PIP5K1B: variants seen among roughly 807,000 people sequenced by gnomAD.
PIP5K1B encodes the protein phosphatidylinositol 4-phosphate 5-kinase type-1 beta.
Under a neutral mutation model 67.0 loss-of-function variants are expected in PIP5K1B, and 42 were observed. The ratio of observed to expected loss-of-function variants is 0.63; its 90% CI spans 0.49 to 0.81. PIP5K1B has a LOEUF of 0.81. Among genes scored for constraint, PIP5K1B ranks in the 30% least tolerant of loss-of-function variants. The pLI, the probability that PIP5K1B is intolerant of heterozygous loss-of-function variation, is 0.00. For missense variants in PIP5K1B, 459 were observed against 646.3 expected, an observed-to-expected ratio of 0.71 and a Z score of 3.14; for synonymous variants, 214 against 231.4, an observed-to-expected ratio of 0.92 and a Z score of 0.68.
intron 2 of PIP5K1B, among the ~76,000 whole-genome samples, chr9:68,814,316 A>G (rs1202589756): frequency 6.6e-6 from 1 of 152,226 alleles, no homozygotes; most frequent in Non-Finnish European, 1.5e-5. Flanking sequence ...AATCAAAAAG[A>G]TAATATGAGC....
At chr9:68,799,159 A>T (rs1320503241) in intron 2 of PIP5K1B, among the ~76,000 whole-genome samples, 1 of 152,212 alleles carries the variant, frequency 6.6e-6, no homozygotes, top group Non-Finnish European at 1.5e-5. Flanking sequence ...GGAAATCTGG[A>T]TGCAGCTAAA....
At chr9:68,838,255 A>G (rs1463202202) in intron 4 of PIP5K1B, among the ~76,000 whole-genome samples, 1 of 152,020 alleles carries the variant, frequency 6.6e-6, no homozygotes, top group Admixed American at 6.6e-5. Flanking sequence ...TGTGTAAATT[A>G]TCATTTTTCT....
intron 4 of PIP5K1B, among the ~76,000 whole-genome samples, chr9:68,839,963 C>G (rs11143975): frequency 0.078 from 11,811 of 152,274 alleles, 1,010 homozygotes; most frequent in African/African-American, 0.21. Context: ...TGGGACCACA[C>G]AGATGCAAGC....
intron 14 of PIP5K1B, among the ~76,000 whole-genome samples, chr9:68,968,710 TA>T (rs199983905): frequency 1.4e-3 from 190 of 139,138 alleles, no homozygotes; most frequent in South Asian, 2.3e-3. Context: ...TATATATATA[TA>T]TATATTTTTT....
At chr9:68,996,890 C>T (rs1368813667) in intron 15 of PIP5K1B, among the ~76,000 whole-genome samples, 2 of 152,176 alleles carry the variant, frequency 1.3e-5, no homozygotes, top group Non-Finnish European at 2.9e-5. Context: ...TATTCATACC[C>T]AAGGTTATGC....
chr9:68,976,025 A>G lies in PIP5K1B; in HGVS notation c.1503-15115A>G, dbSNP rs189482563. ...AACATATGAATTTTAGGGAGATGCA[A>G]TTCAACCCATAACAACATGGCTCTG... On this transcript the variant is annotated intron_variant, in intron 14 of 15. Coordinates refer to ENST00000265382, the MANE Select transcript of PIP5K1B (RefSeq NM_003558.4). Among the ~76,000 whole-genome samples, 421 of 152,338 alleles carry G rather than the reference A, an allele frequency of 2.8e-3. 2 individuals carry two copies. Among genetic ancestry groups the G allele is most frequent in the Non-Finnish European group, 5.0e-3 (340 of 68,026 alleles).
At chr9:68,866,733 G>A (rs1263478121) in intron 5 of PIP5K1B, among the ~76,000 whole-genome samples, 1 of 152,170 alleles carries the variant, frequency 6.6e-6, no homozygotes, top group African/African-American at 2.4e-5. Context: ...GTAGGAAGAG[G>A]AAGGTGGGGG....
rs1824979894 is a variant in PIP5K1B, at chr9:68,894,531, A to G, written c.664A>G (p.Asn222Asp). 1 of 1,614,174 alleles carries G rather than the reference A, an allele frequency of 6.2e-7. No homozygotes were observed. Among genetic ancestry groups the G allele is most frequent in the Non-Finnish European group, 8.5e-7 (1 of 1,179,994 alleles). The stretch of plus-strand genomic sequence containing the variant: ...ATCCCGTAAAGAGAGAGAGAAATCC[A>G]ACCCCACATTTAAGGACTTAGATTT... ...RASRKEREKS[N>D]PTFKDLDFLQ... The change falls in exon 8 of 16, where the codon AAC (asparagine) becomes GAC (aspartate). Residue 222 changes from asparagine to aspartate, a missense_variant. By Grantham distance (23) the Asn-to-Asp change is conservative. Transcript: ENST00000265382.
chr9:68,889,523 A>G (rs1824659214), intron 7 of PIP5K1B, among the ~76,000 whole-genome samples: 1 of 151,942 alleles, frequency 6.6e-6, no homozygotes. Context: ...TCACAAGGTC[A>G]GGAGATTAAG....
chr9:68,738,806 G>A lies in PIP5K1B; in HGVS notation c.-242-3695G>A, dbSNP rs568731156. Among the ~76,000 whole-genome samples, 11 of 152,248 alleles carry A rather than the reference G, an allele frequency of 7.2e-5. No individual in the cohort carries two copies. In the South Asian group the frequency reaches 2.3e-3, roughly 32 times the overall value. Reference sequence around the variant, plus strand: ...GTTCCTTCAGATCACCCTTCTTCAGGATCATATTAAACTATCCACATTTTC... The same window carrying A: ...GTTCCTTCAGATCACCCTTCTTCAGAATCATATTAAACTATCCACATTTTC... On this transcript the variant is annotated intron_variant, in intron 1 of 15. Transcript: ENST00000265382.
intron 5 of PIP5K1B, among the ~76,000 whole-genome samples, chr9:68,868,126 G>T (rs7849727): frequency 6.6e-6 from 1 of 152,194 alleles, no homozygotes; most frequent in African/African-American, 2.4e-5. Flanking sequence ...CTTCCAAAAT[G>T]TGTTCCAAAA....
At chr9:68,959,130 G>A (rs1781773750) in intron 14 of PIP5K1B, among the ~76,000 whole-genome samples, 1 of 152,100 alleles carries the variant, frequency 6.6e-6, no homozygotes, top group South Asian at 2.1e-4. Context: ...TCTGCTTTGT[G>A]AATTCATTTT....
chr9:68,858,064 C>T (rs1328730545), intron 4 of PIP5K1B, among the ~76,000 whole-genome samples: 4 of 152,022 alleles, frequency 2.6e-5, no homozygotes, highest in Admixed American at 2.0e-4. Flanking sequence ...ACCTTTGCCT[C>T]CTGGGTTCAA....
At chr9:68,803,886 A>G (rs993117396) in intron 2 of PIP5K1B, among the ~76,000 whole-genome samples, 22 of 152,206 alleles carry the variant, frequency 1.4e-4, no homozygotes, top group Admixed American at 1.3e-3. Flanking sequence ...CATCAGTTCA[A>G]CACAGATTTG....
intron 14 of PIP5K1B, among the ~76,000 whole-genome samples, chr9:68,975,879 A>C (rs1829612660): frequency 6.6e-6 from 1 of 152,104 alleles, no homozygotes; most frequent in African/African-American, 2.4e-5. Context: ...TTATAAGAAC[A>C]CCAGTCATAC....
intron 1 of PIP5K1B, among the ~76,000 whole-genome samples, chr9:68,722,327 T>C (rs10746919): frequency 0.71 from 107,636 of 152,012 alleles, 38,802 homozygotes; most frequent in African/African-American, 0.85. Flanking sequence ...GCCTCAGCCT[T>C]CTGAGTAGCT....
At position 69,008,468 on chromosome 9, in the gene PIP5K1B, T is replaced by TA; in HGVS notation, c.*21dup. 6.2e-7 allele frequency: 1 copy of TA among 1,613,080 alleles called. No individual in the cohort carries two copies. Among genetic ancestry groups the TA allele is most frequent in the Non-Finnish European group, 8.5e-7 (1 of 1,179,008 alleles). The stretch of plus-strand genomic sequence containing the variant: ...CCAGTAAGTGAAAATGGTGATCACC[T>TA]AAGCACATGGATGAGACGTGAGCAC... On this transcript the variant is annotated 3_prime_UTR_variant, in exon 16 of 16. Transcript: ENST00000265382.
intron 14 of PIP5K1B, among the ~76,000 whole-genome samples, chr9:68,977,929 G>A (rs1005237858): frequency 6.6e-6 from 1 of 152,204 alleles, no homozygotes; most frequent in African/African-American, 2.4e-5. Flanking sequence ...TTACAGGCGT[G>A]AGCCACCGCG....
At chr9:68,739,477 C>T (rs561726640) in intron 1 of PIP5K1B, among the ~76,000 whole-genome samples, 2 of 152,290 alleles carry the variant, frequency 1.3e-5, no homozygotes, top group African/African-American at 2.4e-5. Context: ...CAAGAGGCCA[C>T]GTTAGCACAT....
Sources: gnomAD v4.1 joint callset for allele counts (sites outside exome capture counted in the v4.1 genomes callset) on GRCh38, gnomAD v4.1.1 for gene constraint, MANE v1.5 for transcripts, NCBI Gene and HGNC (gene_info 2026-07-23, HGNC 2026-07-21) for gene names.